The following COPA variants were observed in gnomAD, a reference collection of about 807,000 sequenced individuals.
The protein encoded by COPA is coatomer subunit alpha.
In COPA, 10 loss-of-function variants were observed where a neutral mutation model predicts 158.7. The ratio of observed to expected loss-of-function variants is 0.06; its 90% confidence interval spans 0.04 to 0.11. COPA has a LOEUF of 0.11. Ranked by LOEUF, COPA falls within the 10% of genes least tolerant of loss-of-function variation. The pLI is 1.00. For missense variants in COPA, 1,065 were observed against 1,536.7 expected (o/e 0.69, Z 5.13); for synonymous variants, 462 against 542.8 (o/e 0.85, Z 2.07).
chr1:160,305,320 G>T (rs1658748435), intron 17 of COPA, 113 bp downstream of exon 17: 2 of 1,099,206 alleles, frequency 1.8e-6, no homozygotes, highest in Non-Finnish European at 2.7e-6. Context: ...TATATGCCAG[G>T]TAAGGCTTTT....
intron 7 of COPA, 123 bp from the exon 8 acceptor site, chr1:160,323,653 G>A (rs1394755250): frequency 8.6e-6 from 5 of 579,434 alleles, no homozygotes; most frequent in Admixed American, 3.9e-5. Flanking sequence ...AGATTCAAGA[G>A]ACTACGCTGC....
At position 160,297,536 on chromosome 1, in the gene COPA, C is replaced by A. The variant is rs369269161; in HGVS notation, c.2167+20G>T. 1 of 1,612,960 alleles carries A rather than the reference C, an allele frequency of 6.2e-7. No individual in the cohort carries two copies. The highest frequency in any genetic ancestry group is 8.5e-7 in the Non-Finnish European group (1 of 1,179,286). Reference sequence around the variant, plus strand: ...TTCCCCCAAGAACCCCTCTTCCCATCCTTAGTTTGAGGGCCTCACCAATCT... The same window carrying A: ...TTCCCCCAAGAACCCCTCTTCCCATACTTAGTTTGAGGGCCTCACCAATCT... On this transcript the variant is annotated intron_variant, in intron 20 of 32. Transcript: ENST00000241704.
At chr1:160,336,100 C>T (rs1429847457) in intron 3 of COPA, among the ~76,000 whole-genome samples, 1 of 148,932 alleles carries the variant, frequency 6.7e-6, no homozygotes, top group Non-Finnish European at 1.5e-5. Context: ...AATCCCAGCA[C>T]TTTGGGAGGT....
Position 160,290,480 on chromosome 1 carries a change from G to C in COPA, c.3615+12C>G. On this transcript the variant is annotated intron_variant, in intron 32 of 32. Transcript: ENST00000241704. ...CAATATCCTAGATATATTTATTGAG[G>C]ACAGTACTTACTGTGGTGACCCTGC... 10 of 1,613,104 alleles carry C rather than the reference G, an allele frequency of 6.2e-6. No individual in the cohort carries two copies. Among genetic ancestry groups the C allele is most frequent in the Non-Finnish European group, 8.5e-6 (10 of 1,179,250 alleles).
intron 17 of COPA, among the ~76,000 whole-genome samples, chr1:160,300,724 T>C (rs1197555719): frequency 1.3e-5 from 2 of 152,164 alleles, no homozygotes; most frequent in African/African-American, 2.4e-5. Flanking sequence ...TGTGAAAACA[T>C]AAGTAAAATA....
chr1:160,299,003 G>C lies in COPA; in HGVS notation c.1831-12C>G. On this transcript the variant is annotated splice_polypyrimidine_tract_variant and intron_variant, in intron 18 of 32. Coordinates refer to ENST00000241704, the MANE Select transcript of COPA (RefSeq NM_004371.4). Reference sequence around the variant, plus strand: ...ACCATGTGCAGTACCTAGACATTTGGGGTGGAGTCGGGCAAGAAGTAGACA... The same window carrying C: ...ACCATGTGCAGTACCTAGACATTTGCGGTGGAGTCGGGCAAGAAGTAGACA... 6.2e-7 allele frequency: 1 copy of C among 1,612,964 alleles called. No individual in the cohort carries two copies. The highest frequency in any genetic ancestry group is 8.5e-7 in the Non-Finnish European group (1 of 1,179,226).
intron 15 of COPA, 103 bp downstream of exon 15, chr1:160,306,251 C>A (rs1658782064): frequency 2.2e-6 from 3 of 1,384,116 alleles, no homozygotes; most frequent in African/African-American, 2.9e-5. Flanking sequence ...CAAGAAGTGG[C>A]CAAGCCACAA....
In COPA at chr1:160,297,540, AGTTT is replaced by A; in HGVS notation, c.2167+12_2167+15del. The A allele has an allele frequency of 6.2e-7, 1 of 1,612,922 alleles. No homozygotes were observed. Among genetic ancestry groups the A allele is most frequent in the Non-Finnish European group, 8.5e-7 (1 of 1,179,202 alleles). ...CCCAAGAACCCCTCTTCCCATCCTT[AGTTT>A]GAGGGCCTCACCAATCTTCATCATC... On this transcript the variant is annotated intron_variant, in intron 20 of 32. Transcript: ENST00000241704.
intron 17 of COPA, among the ~76,000 whole-genome samples, chr1:160,302,830 A>T (rs1412431219): frequency 6.6e-6 from 1 of 152,024 alleles, no homozygotes; most frequent in Non-Finnish European, 1.5e-5. Context: ...CTGGGATTAC[A>T]GGCGTGAGCG....
At chr1:160,317,617 G>A (rs1334824998) in intron 8 of COPA, 27 of 1,552,882 alleles carry the variant, frequency 1.7e-5, no homozygotes, top group Non-Finnish European at 2.2e-5. Flanking sequence ...GAGAATTGCT[G>A]ATAATCATAC....
At position 160,296,153 on chromosome 1, in the gene COPA, T is replaced by C. The variant is rs2101826103; in HGVS notation, c.2264-4A>G. On this transcript the variant is annotated splice_region_variant and splice_polypyrimidine_tract_variant and intron_variant, in intron 21 of 32. Transcript: ENST00000241704. Reference sequence around the variant, plus strand: ...GCTGTGAGATAGGCCAGGGACTCTGTAGAGAAAACAGACTTTGTGGTATAG... The same window carrying C: ...GCTGTGAGATAGGCCAGGGACTCTGCAGAGAAAACAGACTTTGTGGTATAG... The C allele has an allele frequency of 6.2e-7, 1 of 1,613,820 alleles. No homozygotes were observed. The highest frequency in any genetic ancestry group is 8.5e-7 in the Non-Finnish European group (1 of 1,179,688).
chr1:160,308,202 T>G (rs892006305), intron 13 of COPA, among the ~76,000 whole-genome samples: 1 of 148,584 alleles, frequency 6.7e-6, no homozygotes. Flanking sequence ...AAAGAGCTAG[T>G]TGGGAGGTAC....
At position 160,313,974 on chromosome 1, in the gene COPA, C is replaced by A. The variant is rs1490882090; in HGVS notation, c.842+16G>T. 1.3e-6 allele frequency: 2 copies of A among 1,594,628 alleles called. No homozygotes were observed. The highest frequency in any genetic ancestry group is 2.3e-5 in the South Asian group (2 of 87,988). ...AGAGTAAGAGAAAGTTCACACAACA[C>A]TGAGGACTACCTTACCGCTTAGACA... On this transcript the variant is annotated intron_variant, in intron 9 of 32. Coordinates refer to ENST00000241704, the MANE Select transcript of COPA (RefSeq NM_004371.4).
intron 13 of COPA, among the ~76,000 whole-genome samples, chr1:160,308,296 C>A (rs1034693696): frequency 6.6e-6 from 1 of 152,094 alleles, no homozygotes; most frequent in African/African-American, 2.4e-5. Context: ...ATACAAATAT[C>A]TTTTCTTTCT....
chr1:160,320,792 TAAAAAAAAAAA>T (rs143294298), intron 8 of COPA, among the ~76,000 whole-genome samples: 1 of 89,244 alleles, frequency 1.1e-5, no homozygotes, highest in Non-Finnish European at 2.2e-5. Context: ...TTCAAACTCT[TAAAAAAAAAAA>T]AAAAAAAAAA....
chr1:160,296,910 T>G (rs1379220423), intron 21 of COPA, among the ~76,000 whole-genome samples: 1 of 152,194 alleles, frequency 6.6e-6, no homozygotes, highest in Non-Finnish European at 1.5e-5. Flanking sequence ...AAACCTCATC[T>G]TTCACCTTGC....
intron 3 of COPA, among the ~76,000 whole-genome samples, chr1:160,338,668 T>G (rs1447545708): frequency 6.6e-6 from 1 of 152,174 alleles, no homozygotes; most frequent in Non-Finnish European, 1.5e-5. Flanking sequence ...AATTAAGCAA[T>G]TCAAAGGTTA....
intron 8 of COPA, 134 bp from the exon 9 acceptor site, chr1:160,314,259 G>C: frequency 1.2e-6 from 1 of 832,788 alleles, no homozygotes; most frequent in Non-Finnish European, 1.8e-6. Flanking sequence ...TTCTAATATG[G>C]CAATCTTCTT....
intron 3 of COPA, among the ~76,000 whole-genome samples, chr1:160,337,111 C>G (rs182286670): frequency 2.0e-5 from 3 of 150,096 alleles, no homozygotes; most frequent in African/African-American, 7.2e-5. Context: ...TATTCTTTAA[C>G]TGACTTTTTT....
Sources: gnomAD v4.1 joint callset for allele counts (sites outside exome capture counted in the v4.1 genomes callset) on GRCh38, gnomAD v4.1.1 for gene constraint, MANE v1.5 for transcripts, NCBI Gene and HGNC (gene_info 2026-07-23, HGNC 2026-07-21) for gene names.